Variants in TTC28 observed in about 807,000 individuals in gnomAD.
TTC28 encodes tetratricopeptide repeat protein 28.
In TTC28, 61 loss-of-function variants were observed where a neutral mutation model predicts 198.0. The observed-to-expected ratio is 0.31, with a 90% CI of 0.25 to 0.38. TTC28 has a LOEUF of 0.38. TTC28 is among the 10% of genes least tolerant of loss of function. The pLI is 1.00. For missense variants in TTC28, 2,678 were observed against 3,164.0 expected (o/e 0.85, Z 3.69); for synonymous variants, 1,171 against 1,297.8 (o/e 0.90, Z 2.10).
intron 2 of TTC28, among the ~76,000 whole-genome samples, chr22:28,393,042 A>G (rs77091768): frequency 6.6e-6 from 1 of 151,836 alleles, no homozygotes; most frequent in Non-Finnish European, 1.5e-5. Context: ...ATACCCAGTT[A>G]ATTGTTTTAT....
chr22:28,386,638 T>C (rs965509214), intron 2 of TTC28, among the ~76,000 whole-genome samples: 2 of 152,116 alleles, frequency 1.3e-5, no homozygotes, highest in African/African-American at 4.8e-5. Context: ...GTCTAAGAGC[T>C]TTAAAAAAAT....
Position 28,101,161 on chromosome 22 carries a change from T to C in TTC28, c.3417+10A>G. ...ACAAAAAATCCACTTCAGTCAGGGG[T>C]TCTGCTTACCTGGTGTTGGGCCTCC... On this transcript the variant is annotated intron_variant, in intron 9 of 22. Transcript: ENST00000397906. 1 of 1,543,278 alleles carries C rather than the reference T, an allele frequency of 6.5e-7. No homozygotes were observed. Among genetic ancestry groups the C allele is most frequent in the Non-Finnish European group, 8.8e-7 (1 of 1,141,288 alleles).
rs528654807 is a variant in TTC28, at chr22:28,169,221, G to C, written c.934-5622C>G. Among the ~76,000 whole-genome samples the C allele has an allele frequency of 1.1e-4, 16 of 152,302 alleles. No individual in the cohort carries two copies. The East Asian group carries it at 2.7e-3, about 26-fold the overall frequency. On this transcript the variant is annotated intron_variant, in intron 5 of 22. Coordinates refer to ENST00000397906, the MANE Select transcript of TTC28 (RefSeq NM_001145418.2). ...GAAATAGGAACACTTTTACACTGTT[G>C]GTGGGACTGTAAACTAGTTCAACCA...
Position 28,475,453 on chromosome 22 carries a change from G to A in TTC28, c.381+154099C>T, listed in dbSNP as rs758293406. Among the ~76,000 whole-genome samples the A allele has an allele frequency of 4.7e-4, 72 of 152,212 alleles. 1 individual carries two copies. Among genetic ancestry groups the A allele is most frequent in the Non-Finnish European group, 2.6e-4 (18 of 68,010 alleles). ...AAACCCACACCGACATGGGGAAAGC[G>A]TGCAAACTCTACCCAGTGGGCCCTG... On this transcript the variant is annotated intron_variant, in intron 2 of 22. Coordinates refer to ENST00000397906, the MANE Select transcript of TTC28 (RefSeq NM_001145418.2).
At chr22:28,615,990 G>GA (rs1209290460) in intron 2 of TTC28, among the ~76,000 whole-genome samples, 4 of 152,048 alleles carry the variant, frequency 2.6e-5, no homozygotes, top group Admixed American at 2.0e-4. Flanking sequence ...TTGAATTAGA[G>GA]AAAAAAATCA....
intron 2 of TTC28, among the ~76,000 whole-genome samples, chr22:28,521,061 A>G (rs1462738925): frequency 1.3e-5 from 2 of 152,092 alleles, no homozygotes; most frequent in African/African-American, 4.8e-5. Flanking sequence ...CGAACAAAAC[A>G]AAACAAAACA....
Position 28,142,363 on chromosome 22 carries a change from C to T in TTC28, c.1441+20729G>A, listed in dbSNP as rs772513091. On this transcript the variant is annotated intron_variant, in intron 6 of 22. Coordinates refer to ENST00000397906, the MANE Select transcript of TTC28 (RefSeq NM_001145418.2). ...AAGGGTTGGGAAGAGATCTGTTCTT[C>T]TTCCTGATACCCATGAGCAGAATAC... Among the ~76,000 whole-genome samples the T allele has an allele frequency of 1.5e-3, 225 of 152,330 alleles. 4 individuals are homozygous for T. The highest frequency in any genetic ancestry group is 5.3e-4 in the Non-Finnish European group (36 of 68,036).
At chr22:28,403,506 C>T (rs1347989671) in intron 2 of TTC28, among the ~76,000 whole-genome samples, 1 of 152,144 alleles carries the variant, frequency 6.6e-6, no homozygotes, top group Non-Finnish European at 1.5e-5. Flanking sequence ...AACATTTATT[C>T]ATGTTACCTT....
At chr22:28,291,594 T>C (rs1274389745) in intron 5 of TTC28, among the ~76,000 whole-genome samples, 1 of 152,208 alleles carries the variant, frequency 6.6e-6, no homozygotes, top group Non-Finnish European at 1.5e-5. Flanking sequence ...AAACCTCTGA[T>C]ACATTGCTGA....
intron 5 of TTC28, among the ~76,000 whole-genome samples, chr22:28,225,411 G>A (rs1928253659): frequency 6.7e-6 from 1 of 150,166 alleles, no homozygotes; most frequent in Non-Finnish European, 1.5e-5. Flanking sequence ...GAAAGAAGAA[G>A]AAAAGAAAAA....
Position 28,108,409 on chromosome 22 carries a change from A to G in TTC28, c.1442-6T>C, listed in dbSNP as rs1458657131. On this transcript the variant is annotated splice_polypyrimidine_tract_variant and splice_region_variant and intron_variant, in intron 6 of 22. Transcript: ENST00000397906. The stretch of plus-strand genomic sequence containing the variant: ...TTTCATCTGGTGTATGATTCCTGAG[A>G]AAGAGAATAAAAGAACAGACTAAGA... 1 of 1,434,548 alleles carries G rather than the reference A, an allele frequency of 7.0e-7. No individual in the cohort carries two copies. The highest frequency in any genetic ancestry group is 3.1e-5 in the Admixed American group (1 of 32,196). The allele number at this position is 1,434,548 out of a possible 1,614,324, so 88.9% of individuals were successfully genotyped here. A position where few individuals can be genotyped will look rare whatever the true frequency, so the allele number is the denominator to read the frequency against.
intron 1 of TTC28, among the ~76,000 whole-genome samples, chr22:28,654,997 T>A (rs1221826132): frequency 6.6e-6 from 1 of 152,252 alleles, no homozygotes; most frequent in Non-Finnish European, 1.5e-5. Flanking sequence ...TTTTAGAGAT[T>A]AAATATGGTT....
intron 2 of TTC28, among the ~76,000 whole-genome samples, chr22:28,575,070 C>T (rs2050124319): frequency 6.6e-6 from 1 of 152,116 alleles, no homozygotes; most frequent in Non-Finnish European, 1.5e-5. Flanking sequence ...ATTGTCTGGG[C>T]TTATGGAGTA....
chr22:28,224,654 T>A (rs1224480482), intron 5 of TTC28, among the ~76,000 whole-genome samples: 4 of 152,162 alleles, frequency 2.6e-5, no homozygotes, highest in African/African-American at 9.7e-5. Flanking sequence ...CAGAAGTTTC[T>A]GAGCTAAATG....
At chr22:28,646,517 G>C (rs923369999) in intron 1 of TTC28, among the ~76,000 whole-genome samples, 1 of 152,106 alleles carries the variant, frequency 6.6e-6, no homozygotes, top group African/African-American at 2.4e-5. Flanking sequence ...TTTCTATCAG[G>C]ATACCAATGT....
At chr22:28,439,639 C>G (rs1054807821) in intron 2 of TTC28, among the ~76,000 whole-genome samples, 1 of 152,156 alleles carries the variant, frequency 6.6e-6, no homozygotes, top group Non-Finnish European at 1.5e-5. Flanking sequence ...CACCTACCAC[C>G]TCACTGGATA....
chr22:28,092,598 C>T (rs899270495), intron 12 of TTC28, among the ~76,000 whole-genome samples: 7 of 152,282 alleles, frequency 4.6e-5, no homozygotes, highest in Admixed American at 1.3e-4. Flanking sequence ...CTAACTCTCA[C>T]TTTGGACATG....
chr22:28,348,668 A>G (rs1247650308), intron 2 of TTC28, among the ~76,000 whole-genome samples: 3 of 152,204 alleles, frequency 2.0e-5, no homozygotes, highest in Non-Finnish European at 4.4e-5. Flanking sequence ...CGGACCTTTC[A>G]TTCATGACCA....
intron 6 of TTC28, among the ~76,000 whole-genome samples, chr22:28,131,491 T>TG (rs1943059278): frequency 6.6e-6 from 1 of 152,234 alleles, no homozygotes; most frequent in South Asian, 2.1e-4. Flanking sequence ...CACAGCTGAC[T>TG]GGGGGCTGTG....
Sources: allele counts gnomAD v4.1 joint callset (sites outside exome capture counted in the v4.1 genomes callset), GRCh38; gene constraint gnomAD v4.1.1; transcripts MANE v1.5; gene names NCBI Gene and HGNC (gene_info 2026-07-23, HGNC 2026-07-21).